PTPRD: variants seen among roughly 807,000 people sequenced by gnomAD.
The protein encoded by PTPRD is protein tyrosine phosphatase receptor type D.
Under a neutral mutation model 214.5 loss-of-function variants are expected in PTPRD, and 34 were observed. The observed-to-expected ratio is 0.16, with a 90% CI of 0.12 to 0.21. The LOEUF is 0.21. Among genes scored for constraint, PTPRD ranks in the 10% least tolerant of loss-of-function variants. The pLI, the probability that PTPRD is intolerant of heterozygous loss-of-function variation, is 1.00. For missense variants in PTPRD, 2,545 were observed against 2,398.7 expected (o/e 1.06, Z -1.27); for synonymous variants, 1,128 against 845.7 (o/e 1.33, Z -5.79).
intron 33 of PTPRD, among the ~76,000 whole-genome samples, chr9:8,458,821 G>T (rs532806877): frequency 6.6e-6 from 1 of 152,100 alleles, no homozygotes; most frequent in African/African-American, 2.4e-5. Context: ...AGGAGATTTT[G>T]GCTTTCCACA....
chr9:8,700,381 G>A (rs534760038), intron 12 of PTPRD, among the ~76,000 whole-genome samples: 178 of 152,270 alleles, frequency 1.2e-3, no homozygotes, highest in African/African-American at 3.9e-3. Flanking sequence ...TCAAACAACT[G>A]CTTTATCATC....
intron 8 of PTPRD, among the ~76,000 whole-genome samples, chr9:9,397,789 G>C (rs564553272): frequency 6.6e-6 from 1 of 151,894 alleles, no homozygotes; most frequent in Non-Finnish European, 1.5e-5. Flanking sequence ...CAAAAATACA[G>C]AGTCATCTCT....
intron 10 of PTPRD, among the ~76,000 whole-genome samples, chr9:9,048,980 A>C (rs1447277184): frequency 6.6e-6 from 1 of 152,216 alleles, no homozygotes; most frequent in Non-Finnish European, 1.5e-5. Context: ...AAAATTTTAA[A>C]GTCACCTATA....
At chr9:9,281,815 T>G (rs1189881080) in intron 9 of PTPRD, among the ~76,000 whole-genome samples, 1 of 147,976 alleles carries the variant, frequency 6.8e-6, no homozygotes, top group Admixed American at 6.9e-5. Context: ...CGTAACAGCT[T>G]TGCTCATAAT....
intron 9 of PTPRD, among the ~76,000 whole-genome samples, chr9:9,214,920 T>C (rs1372726008): frequency 6.6e-6 from 1 of 152,180 alleles, no homozygotes; most frequent in African/African-American, 2.4e-5. Context: ...ATAACACAGT[T>C]GTACAATGGA....
chr9:9,900,246 A>C (rs1435743441), intron 5 of PTPRD, among the ~76,000 whole-genome samples: 1 of 152,012 alleles, frequency 6.6e-6, no homozygotes, highest in South Asian at 2.1e-4. Context: ...ATCATTTTGT[A>C]CTCCCATATT....
intron 10 of PTPRD, among the ~76,000 whole-genome samples, chr9:9,172,330 A>T (rs1379843493): frequency 6.6e-6 from 1 of 152,168 alleles, no homozygotes; most frequent in Non-Finnish European, 1.5e-5. Context: ...ATAGTAATAA[A>T]GTCAACAATG....
chr9:9,785,430 T>C (rs1186221438), intron 5 of PTPRD, among the ~76,000 whole-genome samples: 1 of 152,100 alleles, frequency 6.6e-6, no homozygotes, highest in Non-Finnish European at 1.5e-5. Flanking sequence ...TACCTTGATA[T>C]GATGTACTGA....
At chr9:9,062,863 G>A (rs1432980595) in intron 10 of PTPRD, among the ~76,000 whole-genome samples, 1 of 152,104 alleles carries the variant, frequency 6.6e-6, no homozygotes, top group African/African-American at 2.4e-5. Context: ...GTAAACTTCA[G>A]AAATAAATAA....
At chr9:8,503,446 AT>A (rs2097461552) in intron 23 of PTPRD, among the ~76,000 whole-genome samples, 1 of 152,190 alleles carries the variant, frequency 6.6e-6, no homozygotes. Flanking sequence ...GGTAAATAGT[AT>A]TTTTTATGAA....
At chr9:8,615,953 G>A (rs116642877) in intron 14 of PTPRD, among the ~76,000 whole-genome samples, 212 of 151,940 alleles carry the variant, frequency 1.4e-3, no homozygotes, top group African/African-American at 4.9e-3. Context: ...ATCTTCATGG[G>A]GAAAATAATC....
At chr9:9,868,550 T>G (rs951429441) in intron 5 of PTPRD, among the ~76,000 whole-genome samples, 2 of 151,854 alleles carry the variant, frequency 1.3e-5, no homozygotes, top group Non-Finnish European at 2.9e-5. Context: ...ATAAAAGCTT[T>G]CTATGTGAAT....
intron 33 of PTPRD, chr9:8,451,938 G>C (rs1331151871): frequency 4.1e-6 from 2 of 483,370 alleles, no homozygotes; most frequent in Non-Finnish European, 8.3e-6. Flanking sequence ...TTTTCCCTGT[G>C]GCTGGGGTGA....
intron 12 of PTPRD, among the ~76,000 whole-genome samples, chr9:8,676,162 T>G (rs1362477296): frequency 6.6e-6 from 1 of 152,196 alleles, no homozygotes; most frequent in Admixed American, 6.5e-5. Context: ...TAAATCTCCA[T>G]GCATTTGTTT....
intron 8 of PTPRD, among the ~76,000 whole-genome samples, chr9:9,563,845 C>A (rs1298693184): frequency 1.3e-5 from 2 of 152,118 alleles, no homozygotes; most frequent in East Asian, 3.9e-4. Flanking sequence ...AACCAACATG[C>A]TTTACCTGAG....
At chr9:10,037,444 C>T (rs1198146918) in intron 3 of PTPRD, among the ~76,000 whole-genome samples, 1 of 152,078 alleles carries the variant, frequency 6.6e-6, no homozygotes, top group Non-Finnish European at 1.5e-5. Context: ...ATGCCTGCTC[C>T]AGCTTCACCT....
chr9:9,567,048 T>C (rs2084775344), intron 8 of PTPRD, among the ~76,000 whole-genome samples: 1 of 151,828 alleles, frequency 6.6e-6, no homozygotes, highest in African/African-American at 2.4e-5. Flanking sequence ...AAATATAAAA[T>C]AATCAGTCTA....
At chr9:10,271,204 T>C (rs547590195) in intron 3 of PTPRD, among the ~76,000 whole-genome samples, 35 of 152,306 alleles carry the variant, frequency 2.3e-4, no homozygotes, top group Admixed American at 6.5e-4. Context: ...ATTTAAAATA[T>C]TTTAATATTT....
At chr9:8,542,825 C>A (rs1367682443) in intron 14 of PTPRD, among the ~76,000 whole-genome samples, 1 of 152,228 alleles carries the variant, frequency 6.6e-6, no homozygotes, top group Non-Finnish European at 1.5e-5. Context: ...ATCCTCACTA[C>A]AGACGCACCA....
Sources: allele counts gnomAD v4.1 joint callset (sites outside exome capture counted in the v4.1 genomes callset), GRCh38; gene constraint gnomAD v4.1.1; transcripts MANE v1.5; gene names NCBI Gene and HGNC (gene_info 2026-07-23, HGNC 2026-07-21).